ZNF205: variants seen among roughly 807,000 people sequenced by gnomAD.
ZNF205 encodes the protein zinc finger protein 205, also known as transcriptional repressor RHIT.
ZNF205 carries 32 observed loss-of-function variants against 53.6 expected under a neutral mutation model. The observed-to-expected ratio is 0.60, with a 90% CI of 0.45 to 0.80. ZNF205 has a LOEUF of 0.80. ZNF205 is among the 30% of genes least tolerant of loss of function. ZNF205 has a pLI of 0.00. For synonymous variants in ZNF205, 382 were observed against 334.3 expected, an observed-to-expected ratio of 1.14 and a Z score of -1.56; for missense variants, 836 against 782.4, an observed-to-expected ratio of 1.07 and a Z score of -0.82.
Position 3,119,318 on chromosome 16 carries a change from C to G in ZNF205, c.658C>G (p.Pro220Ala). 1 of 1,612,022 alleles carries G rather than the reference C, an allele frequency of 6.2e-7. No homozygotes were observed. The highest frequency in any genetic ancestry group is 1.3e-5 in the African/African-American group (1 of 75,000). ...SSVAALGNVK[P>A]FRTRAGRVQW... ...CGTGGCAGCCCTTGGGAATGTGAAG[C>G]CCTTCAGAACCAGGGCAGGGAGAGT... is the stretch of plus-strand genomic sequence containing the variant. Residue 220 changes from proline to alanine, a missense_variant, in exon 7 of 7, where the codon CCC becomes GCC. Physicochemically the swap from Pro to Ala is conservative, Grantham distance 27 (BLOSUM62 -1). Coordinates refer to ENST00000219091, the MANE Select transcript of ZNF205 (RefSeq NM_001042428.2).
rs753575679 is a variant in ZNF205 at position 3,115,400 on chromosome 16, G to A, written c.103G>A (p.Gly35Arg). 3.9e-5 allele frequency: 62 copies of A among 1,609,354 alleles called. No homozygotes were observed. The highest frequency in any genetic ancestry group is 6.7e-5 in the African/African-American group (5 of 74,576). The change falls in exon 3 of 7, where the codon GGG becomes AGG. Residue 35 changes from glycine (G) to arginine (R), a missense_variant. By Grantham distance (125) the Gly-to-Arg change is moderately radical. Coordinates refer to ENST00000219091, the MANE Select transcript of ZNF205 (RefSeq NM_001042428.2). ...HPHQEMPSKL[G>R]EAVPSGDTQE... ...TCATCAGGAAATGCCTTCTAAGCTG[G>A]GGGAGGCGGTACCTTCAGGGGACAC...
At position 3,120,439 on chromosome 16, in the gene ZNF205, T is replaced by C. The variant is rs1174396355; in HGVS notation, c.*114T>C. On this transcript the variant is annotated 3_prime_UTR_variant, in exon 7 of 7. Transcript: ENST00000219091. ...GAAGGGAGCTGGGGCGGTGAGGGCATGGGGTGAGGCATGGCGATGGGGGAG... is the reference window on the plus strand; with the variant it reads ...GAAGGGAGCTGGGGCGGTGAGGGCACGGGGTGAGGCATGGCGATGGGGGAG... 4.8e-6 allele frequency: 6 copies of C among 1,244,460 alleles called. No homozygotes were observed. The Admixed American group carries it at 1.4e-4, about 30-fold the overall frequency. The allele number at this position is 1,244,460 out of a possible 1,614,324, so 77.1% of individuals were successfully genotyped here.
At chr16:3,113,341 T>C (rs1275500218) in intron 1 of ZNF205, 76 bp from the exon 2 acceptor site, 1 of 1,468,594 alleles carries the variant, frequency 6.8e-7, no homozygotes, top group East Asian at 2.3e-5. Flanking sequence ...TTCTGTCTGC[T>C]CTTCTAGGCT....
chr16:3,114,080 A>C (rs1957307437), intron 2 of ZNF205, among the ~76,000 whole-genome samples: 1 of 152,068 alleles, frequency 6.6e-6, no homozygotes, highest in South Asian at 2.1e-4. Context: ...GGAGGCTCTA[A>C]GGATAATAGG....
At chr16:3,116,730 G>A (rs1169070304) in intron 5 of ZNF205, among the ~76,000 whole-genome samples, 183 bp downstream of exon 5, 2 of 152,220 alleles carry the variant, frequency 1.3e-5, no homozygotes, top group Non-Finnish European at 2.9e-5. Context: ...GGAGCCACAA[G>A]CCATGTGTGG....
chr16:3,115,059 T>G, intron 2 of ZNF205: 1 of 262,920 alleles, frequency 3.8e-6, no homozygotes, highest in Non-Finnish European at 7.2e-6. Context: ...CCACTACACT[T>G]GGTTTCTTCA....
chr16:3,117,167 C>T (rs1020054786), intron 5 of ZNF205, among the ~76,000 whole-genome samples: 34 of 152,212 alleles, frequency 2.2e-4, no homozygotes, highest in Admixed American at 1.8e-3. Flanking sequence ...CTGTACTGGA[C>T]GCTGCCCCAG....
At chr16:3,112,930 C>T (rs1163033677) in intron 1 of ZNF205, 1 of 191,640 alleles carries the variant, frequency 5.2e-6, no homozygotes, top group African/African-American at 2.4e-5. Context: ...TTTCTGAATT[C>T]CTGGTGGGCA....
chr16:3,115,738 G>T, intron 3 of ZNF205, 91 bp from the exon 4 acceptor site: 2 of 1,434,784 alleles, frequency 1.4e-6, no homozygotes, highest in East Asian at 2.4e-5. Context: ...CTGTCCTTGG[G>T]TCGGGCCAGG....
rs763211830 is a variant in ZNF205, at chr16:3,119,539, C to T, written c.879C>T (p.Gly293=). The T allele has an allele frequency of 1.2e-6, 2 of 1,605,932 alleles. No individual in the cohort carries two copies. The highest frequency in any genetic ancestry group is 2.2e-5 in the East Asian group (1 of 44,744). ...NEEEKGAPES[G]EEGLAPDSEV... is the part of the protein sequence containing the mutation. The stretch of plus-strand genomic sequence containing the variant: ...AGGAGAAGGGCGCCCCGGAGAGTGG[C>T]GAGGAGGGCCTGGCCCCTGACAGTG... The change falls in exon 7 of 7, where the codon GGC becomes GGT. Residue 293 remains glycine, a synonymous_variant. Transcript: ENST00000219091.
rs1010622178 is a variant in ZNF205 at position 3,112,664 on chromosome 16, C to G, written c.-33C>G. ...AGGGGGCCCCCACTGCCGCAGGTGC[C>G]CCCTCTGCCTCCACCCCGGTGAGAA... On this transcript the variant is annotated 5_prime_UTR_variant, in exon 1 of 7. Coordinates refer to ENST00000219091, the MANE Select transcript of ZNF205 (RefSeq NM_001042428.2). 9.8e-6 allele frequency: 3 copies of G among 306,036 alleles called. No individual in the cohort carries two copies. The highest frequency in any genetic ancestry group is 6.5e-5 in the African/African-American group (3 of 46,036). 19.0% of individuals were successfully genotyped at this position (306,036 alleles called of 1,614,324 possible).
chr16:3,113,382 A>G (rs776247327), intron 1 of ZNF205, 35 bp from the exon 2 acceptor site: 1 of 1,608,614 alleles, frequency 6.2e-7, no homozygotes, highest in South Asian at 1.1e-5. Context: ...GGCTTGGCCA[A>G]AAAGAGGGAG....
chr16:3,117,172 C>T (rs1166907075), intron 5 of ZNF205, among the ~76,000 whole-genome samples: 2 of 152,194 alleles, frequency 1.3e-5, no homozygotes, highest in East Asian at 1.9e-4. Flanking sequence ...CTGGACGCTG[C>T]CCCAGGAAGT....
chr16:3,116,457 T>C lies in ZNF205; in HGVS notation c.394T>C (p.Tyr132His), dbSNP rs778308346. ...AGTGACTTTCGAGGATGTGGCCTTG[T>C]ACCTCTCCCGGGAGGAGTGGGGACG... ...MPVTFEDVALYLSREEWGRLD... is the reference protein window; with the variant it reads ...MPVTFEDVALHLSREEWGRLD... The change falls in exon 5 of 7, where the codon TAC (tyrosine) becomes CAC (histidine). Residue 132 changes from tyrosine to histidine, a missense_variant. Coordinates refer to ENST00000219091, the MANE Select transcript of ZNF205 (RefSeq NM_001042428.2). 2 of 1,613,984 alleles carry C rather than the reference T, an allele frequency of 1.2e-6. No individual in the cohort carries two copies. The highest frequency in any genetic ancestry group is 2.7e-5 in the African/African-American group (2 of 74,926).
At chr16:3,115,628 T>A in intron 3 of ZNF205, 60 bp downstream of exon 3, 1 of 1,508,806 alleles carries the variant, frequency 6.6e-7, no homozygotes, top group Non-Finnish European at 8.8e-7. Flanking sequence ...GAGGTGGAGG[T>A]TTGGCCCAGG....
chr16:3,116,359 C>T (rs1567176645), intron 4 of ZNF205, 68 bp from the exon 5 acceptor site: 1 of 1,594,010 alleles, frequency 6.3e-7, no homozygotes, highest in Non-Finnish European at 8.6e-7. Flanking sequence ...CCACACATCT[C>T]ATGCCATGGT....
At position 3,120,015 on chromosome 16, in the gene ZNF205, A is replaced by C; in HGVS notation, c.1355A>C (p.Glu452Ala). The C allele has an allele frequency of 6.2e-7, 1 of 1,613,330 alleles. No individual in the cohort carries two copies. The highest frequency in any genetic ancestry group is 8.5e-7 in the Non-Finnish European group (1 of 1,179,816). ...HTGVKPYPCP[E>A]CGKCFSQRSN... ...GGGGTCAAGCCCTATCCGTGCCCCG[A>C]GTGCGGCAAGTGCTTCAGCCAGCGT... The change falls in exon 7 of 7, where the codon GAG becomes GCG. Residue 452 changes from glutamate to alanine, a missense_variant. Transcript: ENST00000219091.
rs751865657 is a variant in ZNF205, at chr16:3,116,437, C to G, written c.374C>G (p.Thr125Ser). ...TTCACATTGTTTCAGATGCCAGTGA[C>G]TTTCGAGGATGTGGCCTTGTACCTC... ...LLTAWSQMPV[T>S]FEDVALYLSR... is the part of the protein sequence containing the mutation. Residue 125 changes from threonine to serine, a missense_variant, in exon 5 of 7, where the codon ACT (threonine) becomes AGT (serine). Physicochemically the swap from Thr to Ser is moderately conservative, Grantham distance 58. Coordinates refer to ENST00000219091, the MANE Select transcript of ZNF205 (RefSeq NM_001042428.2). 3.7e-6 allele frequency: 6 copies of G among 1,613,908 alleles called. No individual in the cohort carries two copies. In the South Asian group the frequency reaches 5.5e-5, roughly 15 times the overall value.
chr16:3,113,239 G>C, intron 1 of ZNF205, 178 bp from the exon 2 acceptor site: 4 of 600,074 alleles, frequency 6.7e-6, no homozygotes. Flanking sequence ...GATAGGATCT[G>C]GGAGACTTTC....
Sources: gnomAD v4.1 joint callset for allele counts (sites outside exome capture counted in the v4.1 genomes callset) on GRCh38, gnomAD v4.1.1 for gene constraint, MANE v1.5 for transcripts, NCBI Gene and HGNC (gene_info 2026-07-23, HGNC 2026-07-21) for gene names.